TOR1AIP2: variants seen among roughly 807,000 people sequenced by gnomAD.
TOR1AIP2 encodes the protein torsin 1A interacting protein 2, also known as torsin-1A-interacting protein 2.
A neutral mutation model predicts 32.6 loss-of-function variants in TOR1AIP2; 20 were observed. The ratio of observed to expected loss-of-function variants is 0.61; its 90% confidence interval spans 0.43 to 0.89. The LOEUF (loss-of-function observed/expected upper bound fraction) is 0.89. TOR1AIP2 is among the 40% of genes least tolerant of loss of function. TOR1AIP2 has a pLI of 0.00. For synonymous variants in TOR1AIP2, 214 were observed against 210.8 expected (o/e 1.02, Z -0.13); for missense variants, 456 against 553.8 (o/e 0.82, Z 1.77).
rs1312041719 is a variant in TOR1AIP2, at chr1:179,851,180, G to C, written c.218C>G (p.Pro73Arg). ...SADTGDKSES[P>R]DEANVGKHPK... ...ATGTTTCCCCACATTTGCTTCATCT[G>C]GACTTTCTGATTTATCACCTGTATC... The change falls in exon 5 of 7, where the codon CCA becomes CGA. Residue 73 changes from proline (P) to arginine (R), a missense_variant. Coordinates refer to ENST00000609928, the MANE Select transcript of TOR1AIP2 (RefSeq NM_001199260.2). 1 of 1,613,626 alleles carries C rather than the reference G, an allele frequency of 6.2e-7. No individual in the cohort carries two copies. The highest frequency in any genetic ancestry group is 8.5e-7 in the Non-Finnish European group (1 of 1,180,002).
intron 2 of TOR1AIP2, among the ~76,000 whole-genome samples, chr1:179,872,793 T>G (rs1334551879): frequency 6.6e-6 from 1 of 152,230 alleles, no homozygotes; most frequent in African/African-American, 2.4e-5. Context: ...TTGCTAAGAT[T>G]TCTGACAGTG....
chr1:179,860,613 C>T, intron 3 of TOR1AIP2: 1 of 985,360 alleles, frequency 1.0e-6, no homozygotes, highest in Non-Finnish European at 1.2e-6. Flanking sequence ...TATGTTATTG[C>T]ACTTAAACCT....
In TOR1AIP2 at chr1:179,846,569, T is replaced by C. The variant is rs1429779093; in HGVS notation, c.915A>G (p.Arg305=). 1 of 1,614,172 alleles carries C rather than the reference T, an allele frequency of 6.2e-7. No homozygotes were observed. The highest frequency in any genetic ancestry group is 2.2e-5 in the East Asian group (1 of 44,882). The change falls in exon 7 of 7, where the codon AGA becomes AGG. Residue 305 remains arginine (R), a synonymous_variant. Transcript: ENST00000609928. The part of the protein sequence containing the change: ...TIIFTAAREG[R]ETLKCLSHHV... ...GGTGGCTCAGGCACTTCAGGGTCTC[T>C]CTTCCCTCCCGAGCTGCTGTAAATA...
Position 179,852,730 on chromosome 1 carries a change from G to A in TOR1AIP2, c.-65C>T. 6.2e-7 allele frequency: 1 copy of A among 1,611,174 alleles called. No homozygotes were observed. Among genetic ancestry groups the A allele is most frequent in the South Asian group, 1.1e-5 (1 of 90,786 alleles). ...TTTAGTACTTGGTTTTCCTTGTGAA[G>A]ATGTCTTGTTTTCTTCTTGTCCCAA... On this transcript the variant is annotated 5_prime_UTR_variant, in exon 4 of 7. Transcript: ENST00000609928.
intron 5 of TOR1AIP2, among the ~76,000 whole-genome samples, chr1:179,848,726 A>G (rs1413785067): frequency 6.6e-6 from 1 of 152,220 alleles, no homozygotes; most frequent in Non-Finnish European, 1.5e-5. Flanking sequence ...ATCATATCAT[A>G]GAATCTAAGA....
rs1306872491 is a variant in TOR1AIP2 at position 179,840,513 on chromosome 1, CACAGATAAT to C, written c.*5549_*5557del. 1 of 152,128 alleles carries C rather than the reference CACAGATAAT, an allele frequency of 6.6e-6. No individual in the cohort carries two copies. The highest frequency in any genetic ancestry group is 2.4e-5 in the African/African-American group (1 of 41,408). The allele number at this position is 152,128 out of a possible 1,614,324, so 9.4% of individuals were successfully genotyped here. A position where few individuals can be genotyped will look rare whatever the true frequency, so the allele number is the denominator to read the frequency against. ...TTTTCAAGACATCACAGCAAGCGGG[CACAGATAAT>C]GCAGATAATACTGGAAGGAAAGGTA... On this transcript the variant is annotated 3_prime_UTR_variant, in exon 7 of 7. Coordinates refer to ENST00000609928, the MANE Select transcript of TOR1AIP2 (RefSeq NM_001199260.2).
Position 179,840,489 on chromosome 1 carries a change from T to C in TOR1AIP2, c.*5582A>G, listed in dbSNP as rs971637821. The C allele has an allele frequency of 1.3e-4, 20 of 152,308 alleles. No individual in the cohort carries two copies. Among genetic ancestry groups the C allele is most frequent in the African/African-American group, 4.8e-4 (20 of 41,552 alleles). The allele number at this position is 152,308 out of a possible 1,614,324, so 9.4% of individuals were successfully genotyped here. A position where few individuals can be genotyped will look rare whatever the true frequency, so the allele number is the denominator to read the frequency against. ...CAAAATAAGAACCAATTTATGGGCTTTTCAAGACATCACAGCAAGCGGGCA... is the reference window on the plus strand; with the variant it reads ...CAAAATAAGAACCAATTTATGGGCTCTTCAAGACATCACAGCAAGCGGGCA... On this transcript the variant is annotated 3_prime_UTR_variant, in exon 7 of 7. Coordinates refer to ENST00000609928, the MANE Select transcript of TOR1AIP2 (RefSeq NM_001199260.2).
chr1:179,859,088 T>C (rs548951855), intron 3 of TOR1AIP2: 1 of 984,762 alleles, frequency 1.0e-6, no homozygotes, highest in Non-Finnish European at 1.2e-6. Context: ...AATGATGCCA[T>C]TTTAGGCTCT....
intron 3 of TOR1AIP2, among the ~76,000 whole-genome samples, chr1:179,858,413 TG>T (rs1696388774): frequency 1.3e-5 from 2 of 152,030 alleles, no homozygotes; most frequent in African/African-American, 4.8e-5. Flanking sequence ...GGGTGTCAAC[TG>T]TACACATAAA....
At chr1:179,864,834 T>C (rs759598194) in intron 3 of TOR1AIP2, 9 of 1,613,836 alleles carry the variant, frequency 5.6e-6, no homozygotes, top group Non-Finnish European at 1.7e-6. Flanking sequence ...CTGGTCAAGA[T>C]TAACTGTAAT....
intron 3 of TOR1AIP2, chr1:179,862,005 TGTTA>T: frequency 1.0e-6 from 1 of 985,306 alleles, no homozygotes; most frequent in Non-Finnish European, 1.2e-6. Flanking sequence ...CGGCATGAGG[TGTTA>T]TTTATAATAT....
intron 3 of TOR1AIP2, chr1:179,861,112 G>A (rs982631915): frequency 1.2e-5 from 12 of 985,210 alleles, no homozygotes; most frequent in Non-Finnish European, 1.4e-5. Context: ...TAGTTATAAT[G>A]GTCATTTTAG....
intron 2 of TOR1AIP2, among the ~76,000 whole-genome samples, chr1:179,872,247 T>A (rs187169299): frequency 6.6e-6 from 1 of 152,194 alleles, no homozygotes; most frequent in Non-Finnish European, 1.5e-5. Context: ...TTTCTATCTA[T>A]GTTGCTCTAA....
rs1189976860 is a variant in TOR1AIP2, at chr1:179,861,601, ATTAGT to A, written c.-147+3830_-147+3834del. The A allele has an allele frequency of 3.0e-5, 30 of 985,452 alleles. No individual in the cohort carries two copies. In the South Asian group the frequency reaches 9.4e-4, roughly 31 times the overall value. The allele number at this position is 985,452 out of a possible 1,614,324, so 61.0% of individuals were successfully genotyped here. A position where few individuals can be genotyped will look rare whatever the true frequency, so the allele number is the denominator to read the frequency against. On this transcript the variant is annotated intron_variant, in intron 3 of 6. Coordinates refer to ENST00000609928, the MANE Select transcript of TOR1AIP2 (RefSeq NM_001199260.2). ...TGTGAAGAAGACTGAAACATTCCTG[ATTAGT>A]TTAATTAATGAGAAAAATGTGGCTG...
chr1:179,860,077 G>T, intron 3 of TOR1AIP2: 1 of 926,572 alleles, frequency 1.1e-6, no homozygotes, highest in Non-Finnish European at 1.3e-6. Context: ...TGAACTCCTG[G>T]GCTCAAGCCA....
At chr1:179,864,548 G>A (rs1411822342) in intron 3 of TOR1AIP2, 33 of 1,245,554 alleles carry the variant, frequency 2.6e-5, no homozygotes, top group Non-Finnish European at 3.2e-5. Context: ...ATACGGATTA[G>A]CCTCAGTCTA....
intron 5 of TOR1AIP2, among the ~76,000 whole-genome samples, chr1:179,849,620 A>G (rs1229391563): frequency 6.6e-6 from 1 of 152,000 alleles, no homozygotes; most frequent in Non-Finnish European, 1.5e-5. Flanking sequence ...TAGATTGCCC[A>G]GGCTAGCTAG....
At position 179,845,869 on chromosome 1, in the gene TOR1AIP2, A is replaced by C. The variant is rs1221217323; in HGVS notation, c.*202T>G. 1.9e-6 allele frequency: 1 copy of C among 532,724 alleles called. No individual in the cohort carries two copies. Among genetic ancestry groups the C allele is most frequent in the Non-Finnish European group, 3.1e-6 (1 of 318,516 alleles). The allele number at this position is 532,724 out of a possible 1,614,324, so 33.0% of individuals were successfully genotyped here. ...TGGTCCAAAGAAAAAAAGTCAGGTT[A>C]ATTTTTAGCTTTGTCAAGGCTTAGA... On this transcript the variant is annotated 3_prime_UTR_variant, in exon 7 of 7. Coordinates refer to ENST00000609928, the MANE Select transcript of TOR1AIP2 (RefSeq NM_001199260.2).
intron 2 of TOR1AIP2, among the ~76,000 whole-genome samples, chr1:179,871,768 T>C (rs764377209): frequency 6.6e-6 from 1 of 152,226 alleles, no homozygotes; most frequent in African/African-American, 2.4e-5. Context: ...TAACTTTTTT[T>C]GTATGAGATG....
Sources: allele counts gnomAD v4.1 joint callset (sites outside exome capture counted in the v4.1 genomes callset), GRCh38; gene constraint gnomAD v4.1.1; transcripts MANE v1.5; gene names NCBI Gene and HGNC (gene_info 2026-07-23, HGNC 2026-07-21).